The following PRR16 variants were observed in gnomAD, a reference collection of about 807,000 sequenced individuals.
PRR16 encodes protein Largen.
Under a neutral mutation model 18.2 loss-of-function variants are expected in PRR16, and 6 were observed. That is an observed-to-expected ratio of 0.33 (90% confidence interval 0.18 to 0.65). The LOEUF (loss-of-function observed/expected upper bound fraction) is 0.65. Ranked by LOEUF, PRR16 falls within the 30% of genes least tolerant of loss-of-function variation. The probability of loss-of-function intolerance (pLI) is 0.74; values close to 1 mark genes in which losing one functional copy is unlikely to be tolerated. For synonymous variants in PRR16, 151 were observed against 147.8 expected (o/e 1.02, Z -0.16); for missense variants, 412 against 376.6 (o/e 1.09, Z -0.78).
intron 1 of PRR16, among the ~76,000 whole-genome samples, chr5:120,510,945 T>C (rs1175379686): frequency 6.6e-6 from 1 of 152,182 alleles, no homozygotes; most frequent in Non-Finnish European, 1.5e-5. Context: ...ATGATGTGGA[T>C]GAGAGTACAG....
intron 1 of PRR16, among the ~76,000 whole-genome samples, chr5:120,540,548 G>T (rs1190355367): frequency 6.6e-6 from 1 of 152,022 alleles, no homozygotes; most frequent in African/African-American, 2.4e-5. Context: ...AAAATATGAT[G>T]TCCCTTCCTG....
At chr5:120,711,813 A>G in the PRR16 span, among the ~76,000 whole-genome samples, 3 of 152,150 alleles carry the variant, frequency 2.0e-5, no homozygotes, top group African/African-American at 4.8e-5. Context: ...AAATTCACCA[A>G]TCAGATAACT....
At chr5:120,558,861 C>G (rs1022112033) in intron 1 of PRR16, among the ~76,000 whole-genome samples, 3 of 151,840 alleles carry the variant, frequency 2.0e-5, no homozygotes, top group Non-Finnish European at 1.5e-5. Context: ...TTATATTCCA[C>G]TGTAATTTTG....
the PRR16 span, among the ~76,000 whole-genome samples, chr5:120,763,074 T>C: frequency 1.3e-5 from 2 of 152,276 alleles, no homozygotes; most frequent in South Asian, 2.1e-4. Flanking sequence ...TTTACAAAAA[T>C]CAGTTGGCTG....
chr5:120,753,535 T>C, the PRR16 span, among the ~76,000 whole-genome samples: 1 of 151,784 alleles, frequency 6.6e-6, no homozygotes, highest in African/African-American at 2.4e-5. Context: ...GAGTGATCTA[T>C]ATCTGTGTGT....
intron 1 of PRR16, among the ~76,000 whole-genome samples, chr5:120,582,648 C>G (rs1053608732): frequency 6.6e-6 from 1 of 152,030 alleles, no homozygotes; most frequent in Non-Finnish European, 1.5e-5. Context: ...TTTTACCAAA[C>G]AGGAATTTGG....
At chr5:120,745,262 A>T in the PRR16 span, among the ~76,000 whole-genome samples, 885 of 152,264 alleles carry the variant, frequency 5.8e-3, 12 homozygotes, top group African/African-American at 0.02. Flanking sequence ...ATTATTGTTT[A>T]TGCATGGGAT....
chr5:120,604,989 A>G lies in PRR16; in HGVS notation c.160-80965A>G, dbSNP rs181579042. Among the ~76,000 whole-genome samples, 228 of 152,178 alleles carry G rather than the reference A, an allele frequency of 1.5e-3. 1 individual carries two copies. Among genetic ancestry groups the G allele is most frequent in the Middle Eastern group, 3.4e-3 (1 of 294 alleles). ...ATTTTTGTTGTTGTTGTTCACATTGACCTTGGACAATCTGATGACTATATG... is the reference window on the plus strand; with the variant it reads ...ATTTTTGTTGTTGTTGTTCACATTGGCCTTGGACAATCTGATGACTATATG... On this transcript the variant is annotated intron_variant, in intron 1 of 1. Transcript: ENST00000407149.
At chr5:120,731,140 A>G in the PRR16 span, among the ~76,000 whole-genome samples, 1 of 152,188 alleles carries the variant, frequency 6.6e-6, no homozygotes, top group African/African-American at 2.4e-5. Context: ...AACAGATCTC[A>G]GAATCTAACA....
intron 1 of PRR16, among the ~76,000 whole-genome samples, chr5:120,639,016 T>C (rs541960580): frequency 6.6e-6 from 1 of 152,240 alleles, no homozygotes; most frequent in South Asian, 2.1e-4. Context: ...TTTGTAACTA[T>C]TGGCAAACAA....
chr5:120,677,474 C>G (rs1474640126), intron 1 of PRR16, among the ~76,000 whole-genome samples: 1 of 152,176 alleles, frequency 6.6e-6, no homozygotes. Flanking sequence ...ATTTACCGGT[C>G]TTCTTCTCTT....
chr5:120,654,377 C>T (rs768922338), intron 1 of PRR16, among the ~76,000 whole-genome samples: 18 of 151,952 alleles, frequency 1.2e-4, no homozygotes, highest in Non-Finnish European at 2.2e-4. Flanking sequence ...GCATAGGAAA[C>T]TAGATAATGG....
the PRR16 span, among the ~76,000 whole-genome samples, chr5:120,707,606 C>T: frequency 5.3e-5 from 8 of 152,148 alleles, no homozygotes; most frequent in Admixed American, 1.3e-4. Context: ...TTTTTAATAA[C>T]GGCTTCTTAC....
At chr5:120,568,864 A>G (rs1407061670) in intron 1 of PRR16, among the ~76,000 whole-genome samples, 1 of 152,148 alleles carries the variant, frequency 6.6e-6, no homozygotes, top group Non-Finnish European at 1.5e-5. Flanking sequence ...CTAAATTTAG[A>G]AAAAACAGTA....
the PRR16 span, among the ~76,000 whole-genome samples, chr5:120,699,480 T>A: frequency 1.8e-4 from 27 of 152,102 alleles, no homozygotes; most frequent in Admixed American, 1.2e-3. Flanking sequence ...GATTCAAGTC[T>A]GGGCCAGGAA....
the PRR16 span, among the ~76,000 whole-genome samples, chr5:120,773,153 C>T: frequency 2.6e-5 from 4 of 152,138 alleles, no homozygotes; most frequent in African/African-American, 7.2e-5. Context: ...TCCGTTAAGA[C>T]TCTTACCCAG....
At chr5:120,466,476 T>C (rs926862494) in intron 1 of PRR16, among the ~76,000 whole-genome samples, 8 of 152,224 alleles carry the variant, frequency 5.3e-5, no homozygotes, top group Non-Finnish European at 1.2e-4. Flanking sequence ...CATACTTCCT[T>C]ATGTTTTAAT....
chr5:120,753,765 A>T, the PRR16 span, among the ~76,000 whole-genome samples: 5 of 145,950 alleles, frequency 3.4e-5, no homozygotes, highest in East Asian at 9.8e-4. Context: ...TGAATAAAAA[A>T]GTTCTTCAGT....
At chr5:120,773,746 GAAGAC>G in the PRR16 span, among the ~76,000 whole-genome samples, 1 of 152,068 alleles carries the variant, frequency 6.6e-6, no homozygotes, top group African/African-American at 2.4e-5. Context: ...GATATTATTA[GAAGAC>G]AAGTAAATGA....
Sources: gnomAD v4.1 joint callset for allele counts (sites outside exome capture counted in the v4.1 genomes callset) on GRCh38, gnomAD v4.1.1 for gene constraint, MANE v1.5 for transcripts, NCBI Gene and HGNC (gene_info 2026-07-23, HGNC 2026-07-21) for gene names.